CSMD1: variants seen among roughly 807,000 people sequenced by gnomAD.
CSMD1 encodes the protein CUB and Sushi multiple domains 1.
A neutral mutation model predicts 417.5 loss-of-function variants in CSMD1; 213 were observed. The ratio of observed to expected loss-of-function variants is 0.51; its 90% confidence interval spans 0.46 to 0.57. The LOEUF is 0.57. CSMD1 is among the 20% of genes least tolerant of loss of function. The probability of loss-of-function intolerance (pLI) is 0.00; values close to 1 mark genes in which losing one functional copy is unlikely to be tolerated. For missense variants in CSMD1, 6,923 were observed against 4,529.7 expected (o/e 1.53, Z -15.17); for synonymous variants, 2,862 against 1,736.8 (o/e 1.65, Z -16.11).
intron 3 of CSMD1, among the ~76,000 whole-genome samples, chr8:4,120,291 A>G (rs1036530182): frequency 1.6e-5 from 2 of 124,374 alleles, no homozygotes; most frequent in Non-Finnish European, 4.0e-5. Flanking sequence ...ACCTTTTATT[A>G]TATATACTTC....
chr8:4,253,244 A>T (rs1215387457), intron 3 of CSMD1, among the ~76,000 whole-genome samples: 1 of 152,196 alleles, frequency 6.6e-6, no homozygotes, highest in Admixed American at 6.5e-5. Context: ...ATAAAATGAC[A>T]TCTCCAAAAA....
intron 2 of CSMD1, among the ~76,000 whole-genome samples, chr8:4,443,450 A>G (rs1798600393): frequency 6.6e-6 from 1 of 152,250 alleles, no homozygotes; most frequent in South Asian, 2.1e-4. Flanking sequence ...ACTGAATTGT[A>G]TGATGCAATC....
chr8:3,769,576 T>C (rs986255206), intron 5 of CSMD1, among the ~76,000 whole-genome samples: 2 of 152,058 alleles, frequency 1.3e-5, no homozygotes, highest in Non-Finnish European at 2.9e-5. Flanking sequence ...CCTTTACAGA[T>C]ATGTACACGC....
At chr8:4,315,287 C>T (rs765036297) in intron 3 of CSMD1, among the ~76,000 whole-genome samples, 1 of 152,122 alleles carries the variant, frequency 6.6e-6, no homozygotes, top group African/African-American at 2.4e-5. Flanking sequence ...AGACAGTATG[C>T]GAGGAGACCC....
intron 7 of CSMD1, among the ~76,000 whole-genome samples, chr8:3,694,268 G>A (rs1025776583): frequency 5.3e-5 from 8 of 152,058 alleles, no homozygotes; most frequent in African/African-American, 1.7e-4. Context: ...GCCTGGTCAT[G>A]CTCAGGGGTC....
At chr8:3,384,995 T>C (rs890008726) in intron 18 of CSMD1, among the ~76,000 whole-genome samples, 23 of 103,364 alleles carry the variant, frequency 2.2e-4, no homozygotes, top group South Asian at 7.8e-4. Flanking sequence ...ATAATACATA[T>C]GCTATTTATA....
intron 4 of CSMD1, among the ~76,000 whole-genome samples, chr8:4,027,228 G>T (rs1000596223): frequency 2.0e-5 from 3 of 152,160 alleles, no homozygotes; most frequent in South Asian, 2.1e-4. Flanking sequence ...TATTCTCATT[G>T]AGTCACCAAA....
chr8:3,366,895 G>C, intron 20 of CSMD1, 137 bp downstream of exon 20: 1 of 728,844 alleles, frequency 1.4e-6, no homozygotes, highest in Non-Finnish European at 2.3e-6. Flanking sequence ...CACCCCATTA[G>C]TTGGAATCAA....
At chr8:3,241,249 AGCTG>A (rs1304322661) in intron 26 of CSMD1, among the ~76,000 whole-genome samples, 1 of 150,268 alleles carries the variant, frequency 6.7e-6, no homozygotes, top group Non-Finnish European at 1.5e-5. Context: ...GTATTGTCTA[AGCTG>A]GCACCAGAGT....
At chr8:3,900,444 C>T (rs571736342) in intron 5 of CSMD1, among the ~76,000 whole-genome samples, 3 of 150,146 alleles carry the variant, frequency 2.0e-5, no homozygotes, top group African/African-American at 4.9e-5. Context: ...GGTGACAGCA[C>T]AGCTGCATAA....
intron 7 of CSMD1, among the ~76,000 whole-genome samples, chr8:3,630,420 T>C (rs1350441592): frequency 3.9e-5 from 6 of 152,126 alleles, no homozygotes; most frequent in East Asian, 1.9e-4. Context: ...AAAAGATGAA[T>C]TGGCCCAAAC....
At chr8:2,973,920 G>GTGGTAGAGGATGGTGGTAGAGGATGA (rs1563196483) in intron 56 of CSMD1, among the ~76,000 whole-genome samples, 1 of 137,348 alleles carries the variant, frequency 7.3e-6, no homozygotes, top group African/African-American at 3.2e-5. Context: ...GTAGAGGATG[G>GTGGTAGAGGATGGTGGTAGAGGATGA]TGGTAGAGGA....
intron 2 of CSMD1, among the ~76,000 whole-genome samples, chr8:4,635,358 G>T (rs954752615): frequency 6.6e-6 from 1 of 152,050 alleles, no homozygotes; most frequent in African/African-American, 2.4e-5. Flanking sequence ...TAATATTGAA[G>T]ATGGTAAGAA....
chr8:3,561,144 C>T (rs4875735), intron 10 of CSMD1, among the ~76,000 whole-genome samples: 7,738 of 152,214 alleles, frequency 0.051, 360 homozygotes, highest in Admixed American at 0.15. Flanking sequence ...CAAACAATAA[C>T]AAATGTTGGC....
At chr8:4,588,178 AT>A (rs1799798791) in intron 2 of CSMD1, among the ~76,000 whole-genome samples, 1 of 152,014 alleles carries the variant, frequency 6.6e-6, no homozygotes. Context: ...GATATCAAAC[AT>A]TTTCTTAGGC....
intron 3 of CSMD1, among the ~76,000 whole-genome samples, chr8:4,084,033 A>G (rs1800288772): frequency 6.6e-6 from 1 of 152,124 alleles, no homozygotes; most frequent in Non-Finnish European, 1.5e-5. Flanking sequence ...AGTGGGCAAA[A>G]AAACCCTTTT....
rs149951597 is a variant in CSMD1, at chr8:3,441,660, C to T, written c.1561+27052G>A. ...CCATTGATCATAGCACAATGCATTG[C>T]GCATGTGTTCCTGGTGATGCTGGTG... is the stretch of plus-strand genomic sequence containing the variant. On this transcript the variant is annotated intron_variant, in intron 12 of 69. Coordinates refer to ENST00000635120, the MANE Select transcript of CSMD1 (RefSeq NM_033225.6). 1.3e-3 allele frequency among the ~76,000 whole-genome samples: 202 copies of T among 152,112 alleles called. 3 individuals are homozygous for T. Among genetic ancestry groups the T allele is most frequent in the African/African-American group, 4.6e-3 (189 of 41,498 alleles).
chr8:4,810,648 ATTACATAGAAAAT>A (rs1314198373), intron 1 of CSMD1, among the ~76,000 whole-genome samples: 1 of 150,880 alleles, frequency 6.6e-6, no homozygotes, highest in African/African-American at 2.4e-5. Context: ...ATGATTTTGT[ATTACATAGAAAAT>A]TTCATAGAAA....
At chr8:3,653,395 G>A (rs866881290) in intron 7 of CSMD1, among the ~76,000 whole-genome samples, 10 of 151,936 alleles carry the variant, frequency 6.6e-5, no homozygotes, top group Non-Finnish European at 1.3e-4. Flanking sequence ...TGCAACCTCC[G>A]CCTCCTGGAT....
Sources: gnomAD v4.1 joint callset for allele counts (sites outside exome capture counted in the v4.1 genomes callset) on GRCh38, gnomAD v4.1.1 for gene constraint, MANE v1.5 for transcripts, NCBI Gene and HGNC (gene_info 2026-07-23, HGNC 2026-07-21) for gene names.